The following SNTG1 variants were observed in gnomAD, a reference collection of about 807,000 sequenced individuals.
SNTG1 encodes the protein syntrophin gamma 1.
A neutral mutation model predicts 74.7 loss-of-function variants in SNTG1; 39 were observed. The observed-to-expected ratio is 0.52, with a 90% CI of 0.40 to 0.68. SNTG1 has a LOEUF of 0.68. Among genes scored for constraint, SNTG1 ranks in the 30% least tolerant of loss-of-function variants. The pLI is 0.00. For synonymous variants in SNTG1, 254 were observed against 217.1 expected, an observed-to-expected ratio of 1.17 and a Z score of -1.49; for missense variants, 685 against 609.5, an observed-to-expected ratio of 1.12 and a Z score of -1.30.
At chr8:50,317,031 G>C (rs12545927) in intron 2 of SNTG1, among the ~76,000 whole-genome samples, 71,521 of 152,072 alleles carry the variant, frequency 0.47, 19,402 homozygotes, top group East Asian at 0.83. Context: ...AAAAAGTAGT[G>C]AGTGATTGTC....
At chr8:50,211,686 T>G (rs1026870714) in intron 2 of SNTG1, among the ~76,000 whole-genome samples, 10 of 152,140 alleles carry the variant, frequency 6.6e-5, no homozygotes, top group Non-Finnish European at 1.3e-4. Flanking sequence ...CACGTCTTAT[T>G]TTTTTAAAAG....
At chr8:49,965,855 T>C (rs1811088543) in intron 1 of SNTG1, among the ~76,000 whole-genome samples, 1 of 152,222 alleles carries the variant, frequency 6.6e-6, no homozygotes, top group Admixed American at 6.5e-5. Flanking sequence ...TTTTCTAACT[T>C]CCTCCTGTGA....
chr8:50,652,254 A>G (rs2095151894), intron 13 of SNTG1, among the ~76,000 whole-genome samples: 1 of 152,154 alleles, frequency 6.6e-6, no homozygotes, highest in Non-Finnish European at 1.5e-5. Context: ...ATAAAGGTGT[A>G]ATCACTTCTT....
intron 9 of SNTG1, among the ~76,000 whole-genome samples, chr8:50,520,972 C>T (rs1375755764): frequency 6.6e-6 from 1 of 152,172 alleles, no homozygotes; most frequent in Non-Finnish European, 1.5e-5. Context: ...CATATGCACA[C>T]ATATGTTTAT....
At chr8:50,478,533 T>C (rs1454364486) in intron 8 of SNTG1, among the ~76,000 whole-genome samples, 1 of 152,206 alleles carries the variant, frequency 6.6e-6, no homozygotes, top group Non-Finnish European at 1.5e-5. Context: ...TTTTTGTTTT[T>C]CAATTCTAGC....
At chr8:50,357,003 C>T in intron 2 of SNTG1, among the ~76,000 whole-genome samples, 1 of 152,210 alleles carries the variant, frequency 6.6e-6, no homozygotes, top group Admixed American at 6.5e-5. Context: ...AAGGGCTTCA[C>T]ACTTGTGTTA....
intron 15 of SNTG1, among the ~76,000 whole-genome samples, chr8:50,695,172 A>G (rs2095399535): frequency 6.6e-6 from 1 of 151,576 alleles, no homozygotes; most frequent in South Asian, 2.1e-4. Flanking sequence ...ATATGATCTT[A>G]TATGTAAAAA....
At chr8:50,095,516 A>G (rs1407706093) in intron 1 of SNTG1, among the ~76,000 whole-genome samples, 2 of 152,176 alleles carry the variant, frequency 1.3e-5, no homozygotes, top group Non-Finnish European at 2.9e-5. Context: ...TGGATTTTAT[A>G]TACAATAGAT....
chr8:49,977,738 A>C (rs189802271), intron 1 of SNTG1, among the ~76,000 whole-genome samples: 1 of 152,208 alleles, frequency 6.6e-6, no homozygotes, highest in Non-Finnish European at 1.5e-5. Context: ...TCTTACATTC[A>C]TTCCTCTTTT....
chr8:50,137,507 TGGA>T (rs2131441961), intron 1 of SNTG1, among the ~76,000 whole-genome samples: 1 of 152,180 alleles, frequency 6.6e-6, no homozygotes, highest in East Asian at 1.9e-4. Context: ...TATCTTTCAG[TGGA>T]GGAGGACAGT....
chr8:50,235,068 A>G (rs1023446205), intron 2 of SNTG1, among the ~76,000 whole-genome samples: 1 of 152,154 alleles, frequency 6.6e-6, no homozygotes, highest in Non-Finnish European at 1.5e-5. Flanking sequence ...AGAAATGCTG[A>G]CAAAATGTAT....
At chr8:49,912,285 T>C (rs914120240) in intron 1 of SNTG1, 54 bp downstream of exon 1, 1 of 152,264 alleles carries the variant, frequency 6.6e-6, no homozygotes, top group African/African-American at 2.4e-5. Flanking sequence ...ACTTGTCTTA[T>C]GGTTTAACAG....
intron 2 of SNTG1, among the ~76,000 whole-genome samples, chr8:50,266,237 CAT>C (rs1171014439): frequency 1.3e-5 from 2 of 152,000 alleles, no homozygotes; most frequent in African/African-American, 4.8e-5. Flanking sequence ...TAAGGAAAGA[CAT>C]ATATAAATCA....
chr8:50,475,461 C>T (rs73583486), intron 8 of SNTG1, among the ~76,000 whole-genome samples: 1,627 of 152,236 alleles, frequency 0.011, 27 homozygotes, highest in African/African-American at 0.036. Flanking sequence ...CCTCCTTGTG[C>T]ATTTGCCTAC....
At chr8:50,269,848 C>A (rs145752526) in intron 2 of SNTG1, among the ~76,000 whole-genome samples, 1 of 152,024 alleles carries the variant, frequency 6.6e-6, no homozygotes, top group African/African-American at 2.4e-5. Flanking sequence ...ACATAAAAGA[C>A]GTATACACAT....
At chr8:50,695,262 A>G (rs1342295799) in intron 15 of SNTG1, among the ~76,000 whole-genome samples, 2 of 151,936 alleles carry the variant, frequency 1.3e-5, no homozygotes, top group Admixed American at 6.6e-5. Flanking sequence ...AAGTTACAGG[A>G]TACAATATCA....
chr8:50,781,772 G>A (rs1313442585), intron 18 of SNTG1, among the ~76,000 whole-genome samples: 3 of 152,104 alleles, frequency 2.0e-5, no homozygotes, highest in Non-Finnish European at 4.4e-5. Flanking sequence ...TATTGTGCGC[G>A]TTCGTTGATG....
intron 1 of SNTG1, among the ~76,000 whole-genome samples, chr8:50,090,840 C>G (rs141858548): frequency 2.8e-4 from 42 of 152,114 alleles, no homozygotes; most frequent in African/African-American, 9.9e-4. Flanking sequence ...GAATAAAATG[C>G]ATTGAAGGTA....
chr8:50,427,306 C>T (rs977898652), intron 4 of SNTG1, among the ~76,000 whole-genome samples: 1 of 151,958 alleles, frequency 6.6e-6, no homozygotes, highest in African/African-American at 2.4e-5. Flanking sequence ...GAAATGTAAA[C>T]ATAATGATTA....
Sources: allele counts gnomAD v4.1 joint callset (sites outside exome capture counted in the v4.1 genomes callset), GRCh38; gene constraint gnomAD v4.1.1; transcripts MANE v1.5; gene names NCBI Gene and HGNC (gene_info 2026-07-23, HGNC 2026-07-21).